TSHZ2: variants seen among roughly 807,000 people sequenced by gnomAD.
TSHZ2 encodes the protein teashirt homolog 2.
A neutral mutation model predicts 74.4 loss-of-function variants in TSHZ2; 21 were observed. The observed-to-expected ratio is 0.28, with a 90% CI of 0.20 to 0.41. The LOEUF (loss-of-function observed/expected upper bound fraction) is 0.41, where lower values mean the gene tolerates loss of function less well. TSHZ2 is among the 10% of genes least tolerant of loss of function. The probability of loss-of-function intolerance (pLI) is 1.00; values close to 1 mark genes in which losing one functional copy is unlikely to be tolerated. For missense variants in TSHZ2, 1,244 were observed against 1,293.5 expected (o/e 0.96, Z 0.59); for synonymous variants, 540 against 515.3 (o/e 1.05, Z -0.65).
rs570338182 is a variant in TSHZ2 at position 53,154,583 on chromosome 20, T to C, written c.41-98916T>C. On this transcript the variant is annotated intron_variant, in intron 1 of 2. Coordinates refer to ENST00000371497, the MANE Select transcript of TSHZ2 (RefSeq NM_173485.6). The stretch of plus-strand genomic sequence containing the variant: ...TTTCTGAAATATATGATGAAGTTCA[T>C]CAATACTTTTCTTTCTGGACTACTC... 2.5e-4 allele frequency among the ~76,000 whole-genome samples: 38 copies of C among 152,258 alleles called. 2 individuals are homozygous for C. The highest frequency in any genetic ancestry group is 9.1e-4 in the African/African-American group (38 of 41,546).
chr20:53,299,828 G>C (rs1213075033), intron 2 of TSHZ2, among the ~76,000 whole-genome samples: 1 of 152,096 alleles, frequency 6.6e-6, no homozygotes, highest in Non-Finnish European at 1.5e-5. Context: ...GGTTCTCAGA[G>C]ACACCAACTT....
Position 53,010,016 on chromosome 20 carries a change from G to C in TSHZ2, c.40+36683G>C, listed in dbSNP as rs187315700. Among the ~76,000 whole-genome samples, 15 of 152,200 alleles carry C rather than the reference G, an allele frequency of 9.9e-5. No homozygotes were observed. The East Asian group carries it at 2.5e-3, about 25-fold the overall frequency. On this transcript the variant is annotated intron_variant, in intron 1 of 2. Coordinates refer to ENST00000371497, the MANE Select transcript of TSHZ2 (RefSeq NM_173485.6). ...ATCATTGTCATTGTTGATTCTCTTA[G>C]TCTTTTAGAGTGGACAAAAGGCTCT...
intron 2 of TSHZ2, among the ~76,000 whole-genome samples, chr20:53,450,207 T>G (rs907998059): frequency 6.6e-6 from 1 of 152,272 alleles, no homozygotes; most frequent in African/African-American, 2.4e-5. Context: ...GCTTGTGCTT[T>G]TGGCCTGGTC....
intron 1 of TSHZ2, among the ~76,000 whole-genome samples, chr20:53,014,010 G>A (rs1390746831): frequency 6.6e-6 from 1 of 152,212 alleles, no homozygotes; most frequent in African/African-American, 2.4e-5. Context: ...TGAGCAGTGA[G>A]TGTGTATTAG....
rs533468502 is a variant in TSHZ2 at position 53,008,837 on chromosome 20, T to C, written c.40+35504T>C. ...AAACCTCAGATCATACCAAGTCTTA[T>C]ACATATTATGTTTTTCCTATACAAA... On this transcript the variant is annotated intron_variant, in intron 1 of 2. Transcript: ENST00000371497. 3.9e-5 allele frequency among the ~76,000 whole-genome samples: 6 copies of C among 152,310 alleles called. No individual in the cohort carries two copies. The South Asian group carries it at 1.0e-3, about 26-fold the overall frequency.
In TSHZ2 at chr20:53,161,083, G is replaced by A. The variant is rs1250785806; in HGVS notation, c.41-92416G>A. Among the ~76,000 whole-genome samples the A allele has an allele frequency of 3.2e-5, 4 of 126,216 alleles. No individual in the cohort carries two copies. The East Asian group carries it at 9.9e-4, about 31-fold the overall frequency. The allele number at this position is 126,216 out of a possible 152,430, so 82.8% of individuals were successfully genotyped here. ...AGAACATTGCTACTTGGTTCCATTA[G>A]ACTCCTTTGATTGTACATGACAGAA... On this transcript the variant is annotated intron_variant, in intron 1 of 2. Coordinates refer to ENST00000371497, the MANE Select transcript of TSHZ2 (RefSeq NM_173485.6).
At chr20:53,338,263 G>A (rs1980037476) in intron 2 of TSHZ2, among the ~76,000 whole-genome samples, 1 of 152,144 alleles carries the variant, frequency 6.6e-6, no homozygotes, top group South Asian at 2.1e-4. Flanking sequence ...GTGATGGGCT[G>A]GGTTGGAGGA....
At chr20:53,051,914 C>G (rs1310413683) in intron 1 of TSHZ2, among the ~76,000 whole-genome samples, 1 of 152,188 alleles carries the variant, frequency 6.6e-6, no homozygotes, top group Admixed American at 6.5e-5. Flanking sequence ...ACCGAGGCAG[C>G]TGTTGCTTCA....
intron 2 of TSHZ2, among the ~76,000 whole-genome samples, chr20:53,471,371 A>G (rs1051888499): frequency 6.6e-6 from 1 of 152,186 alleles, no homozygotes; most frequent in African/African-American, 2.4e-5. Context: ...AGTGGGTTTT[A>G]TACTTGGGAC....
chr20:53,314,842 G>A (rs987808322), intron 2 of TSHZ2, among the ~76,000 whole-genome samples: 1 of 152,036 alleles, frequency 6.6e-6, no homozygotes, highest in African/African-American at 2.4e-5. Flanking sequence ...GGCTGGTCTT[G>A]AACTCCTGAC....
At chr20:53,226,211 G>A (rs1989684503) in intron 1 of TSHZ2, among the ~76,000 whole-genome samples, 1 of 151,238 alleles carries the variant, frequency 6.6e-6, no homozygotes, top group Admixed American at 6.6e-5. Context: ...AGTGGCCATG[G>A]GAGCTTTGGG....
chr20:53,427,915 G>A (rs1485528885), intron 2 of TSHZ2, among the ~76,000 whole-genome samples: 1 of 152,156 alleles, frequency 6.6e-6, no homozygotes, highest in East Asian at 1.9e-4. Flanking sequence ...TAATACTAAG[G>A]ACTCTAACAT....
intron 2 of TSHZ2, among the ~76,000 whole-genome samples, chr20:53,296,402 T>C (rs1303460155): frequency 1.3e-5 from 2 of 152,220 alleles, no homozygotes; most frequent in Non-Finnish European, 2.9e-5. Flanking sequence ...CAACATTCAA[T>C]ATGCTGGCAA....
chr20:53,203,354 C>A (rs1296191794), intron 1 of TSHZ2, among the ~76,000 whole-genome samples: 1 of 151,968 alleles, frequency 6.6e-6, no homozygotes, highest in Non-Finnish European at 1.5e-5. Flanking sequence ...ACCACCATAC[C>A]TGGCTAATTT....
chr20:53,271,635 T>C (rs930955235), intron 2 of TSHZ2, among the ~76,000 whole-genome samples: 2 of 151,874 alleles, frequency 1.3e-5, no homozygotes, highest in African/African-American at 4.8e-5. Flanking sequence ...TCTAACCAAA[T>C]GAGAAGAGAT....
At chr20:53,130,072 G>C (rs181543777) in intron 1 of TSHZ2, among the ~76,000 whole-genome samples, 1 of 151,792 alleles carries the variant, frequency 6.6e-6, no homozygotes, top group Admixed American at 6.6e-5. Flanking sequence ...AGTAGGAAAA[G>C]AAAATGTTAG....
intron 1 of TSHZ2, among the ~76,000 whole-genome samples, chr20:53,066,745 A>T (rs1322137416): frequency 2.0e-5 from 3 of 152,162 alleles, no homozygotes; most frequent in African/African-American, 7.2e-5. Context: ...TGAGCTCGTG[A>T]TCTGCCCGCC....
chr20:53,342,671 G>C (rs1286446555), intron 2 of TSHZ2, among the ~76,000 whole-genome samples: 1 of 152,074 alleles, frequency 6.6e-6, no homozygotes, highest in African/African-American at 2.4e-5. Context: ...GGCCAAGAAA[G>C]GTTAAGTCTC....
chr20:53,004,460 C>G (rs1166723413), intron 1 of TSHZ2, among the ~76,000 whole-genome samples: 4 of 152,176 alleles, frequency 2.6e-5, no homozygotes, highest in Admixed American at 1.3e-4. Context: ...TTTGACTTGC[C>G]TTGACCCCAT....
Sources: gnomAD v4.1 joint callset for allele counts (sites outside exome capture counted in the v4.1 genomes callset) on GRCh38, gnomAD v4.1.1 for gene constraint, MANE v1.5 for transcripts, NCBI Gene and HGNC (gene_info 2026-07-23, HGNC 2026-07-21) for gene names.